The following CELF2 variants were observed in gnomAD, a reference collection of about 807,000 sequenced individuals.
CELF2 encodes CUGBP Elav-like family member 2.
In CELF2, 8 loss-of-function variants were observed where a neutral mutation model predicts 62.6. The observed-to-expected ratio is 0.13, with a 90% confidence interval of 0.07 to 0.23. The LOEUF (loss-of-function observed/expected upper bound fraction) is 0.23. CELF2 is among the 10% of genes least tolerant of loss of function. The pLI, the probability that CELF2 is intolerant of heterozygous loss-of-function variation, is 1.00. For synonymous variants in CELF2, 258 were observed against 250.0 expected (o/e 1.03, Z -0.30); for missense variants, 333 against 671.0 (o/e 0.50, Z 5.56).
In CELF2 at chr10:11,217,687, G is replaced by A. The variant is rs574069717; in HGVS notation, c.354+180G>A. On this transcript the variant is annotated intron_variant, in intron 3 of 12. Coordinates refer to ENST00000633077, the MANE Select transcript of CELF2 (RefSeq NM_001326342.2). This position sits in a 1 kb window ranked among gnomAD's most constrained non-coding sequence, Gnocchi z 5.6. ...GCTGGCCAGCCCATAAAGGAGCGCTGGCATTAACACTGACGGGAAGCATTC... is the reference window on the plus strand; with the variant it reads ...GCTGGCCAGCCCATAAAGGAGCGCTAGCATTAACACTGACGGGAAGCATTC... 2.0e-5 allele frequency among the ~76,000 whole-genome samples: 3 copies of A among 152,268 alleles called. No individual in the cohort carries two copies. In the South Asian group the frequency reaches 6.2e-4, roughly 32 times the overall value.
At chr10:11,213,877 A>G (rs1012225497) in intron 2 of CELF2, among the ~76,000 whole-genome samples, 2 of 152,258 alleles carry the variant, frequency 1.3e-5, no homozygotes, top group Non-Finnish European at 1.5e-5. Context: ...TTAGTCTAAT[A>G]GAAGTAAAGA....
At position 11,148,843 on chromosome 10, in the gene CELF2, A is replaced by AACACACACACACACACACACAC. The variant is rs58567770; in HGVS notation, c.75-16633_75-16612dup. On this transcript the variant is annotated intron_variant, in intron 1 of 12. Coordinates refer to ENST00000633077, the MANE Select transcript of CELF2 (RefSeq NM_001326342.2). The stretch of plus-strand genomic sequence containing the variant: ...TGTTATCGATTATTATCTTAAACCA[A>AACACACACACACACACACACAC]ACACACACACACACACACACACACA... Among the ~76,000 whole-genome samples the AACACACACACACACACACACAC allele has an allele frequency of 7.4e-3, 1,087 of 146,868 alleles. 14 individuals carry two copies. The highest frequency in any genetic ancestry group is 9.4e-3 in the Non-Finnish European group (622 of 66,126).
intron 2 of CELF2, among the ~76,000 whole-genome samples, chr10:10,987,852 A>G (rs1349534237): frequency 6.6e-6 from 1 of 152,204 alleles, no homozygotes. Flanking sequence ...CAACAAATGT[A>G]TGAAAACATG....
chr10:10,488,479 C>A, the CELF2 span, among the ~76,000 whole-genome samples: 2 of 152,248 alleles, frequency 1.3e-5, no homozygotes, highest in African/African-American at 4.8e-5. Context: ...TGGTACCTAG[C>A]TGTATTGAAT....
intron 1 of CELF2, among the ~76,000 whole-genome samples, chr10:11,158,096 A>G (rs1314341937): frequency 6.6e-6 from 1 of 152,148 alleles, no homozygotes. Context: ...ATCATTTTAC[A>G]AGGATTCTCT....
intron 8 of CELF2, among the ~76,000 whole-genome samples, chr10:11,277,316 G>T (rs1200485668): frequency 6.6e-6 from 1 of 152,172 alleles, no homozygotes; most frequent in Non-Finnish European, 1.5e-5. Flanking sequence ...CATGGTGAAT[G>T]GGCGATAGAG....
intron 5 of CELF2, among the ~76,000 whole-genome samples, chr10:11,259,534 G>A (rs2079842451): frequency 6.6e-6 from 1 of 151,930 alleles, no homozygotes; most frequent in African/African-American, 2.4e-5. Context: ...TTCTCTAAAA[G>A]CTGAACAAGT....
the CELF2 span, among the ~76,000 whole-genome samples, chr10:10,547,964 C>A: frequency 6.6e-6 from 1 of 152,154 alleles, no homozygotes; most frequent in Non-Finnish European, 1.5e-5. Flanking sequence ...GGATGCCATT[C>A]ATAAAAGGTG....
At chr10:10,541,258 A>G in the CELF2 span, among the ~76,000 whole-genome samples, 1 of 151,302 alleles carries the variant, frequency 6.6e-6, no homozygotes, top group African/African-American at 2.4e-5. Context: ...AAAAAAAAAA[A>G]AAGACCCACA....
the CELF2 span, among the ~76,000 whole-genome samples, chr10:10,504,116 T>A: frequency 1.3e-5 from 2 of 152,084 alleles, no homozygotes; most frequent in Non-Finnish European, 2.9e-5. Flanking sequence ...CCCAACATAA[T>A]TTTTAAAACT....
chr10:10,924,236 C>T (rs912423697), intron 2 of CELF2, among the ~76,000 whole-genome samples: 22 of 134,378 alleles, frequency 1.6e-4, no homozygotes, highest in African/African-American at 5.0e-4. Context: ...GAGCCGAGAT[C>T]GCGCCACTGC....
intron 9 of CELF2, among the ~76,000 whole-genome samples, chr10:11,298,295 G>A (rs1221216471): frequency 6.6e-6 from 1 of 152,230 alleles, no homozygotes; most frequent in African/African-American, 2.4e-5. Flanking sequence ...GCCTTGTGGT[G>A]CCATCTCGAC....
chr10:10,869,860 G>A (rs371195496), intron 1 of CELF2, among the ~76,000 whole-genome samples: 1 of 151,986 alleles, frequency 6.6e-6, no homozygotes, highest in Non-Finnish European at 1.5e-5. Context: ...ATGTTTCTTT[G>A]GTCCCAGCTA....
intron 1 of CELF2, among the ~76,000 whole-genome samples, chr10:10,867,903 C>A (rs937127673): frequency 1.2e-4 from 19 of 152,294 alleles, no homozygotes; most frequent in South Asian, 4.1e-4. Flanking sequence ...TCTGATATTC[C>A]AAATATTTGT....
intron 1 of CELF2, among the ~76,000 whole-genome samples, chr10:11,019,973 T>A (rs1425711040): frequency 6.6e-6 from 1 of 152,244 alleles, no homozygotes; most frequent in African/African-American, 2.4e-5. Flanking sequence ...ATAATATAGC[T>A]AAGCTGATGA....
intron 1 of CELF2, among the ~76,000 whole-genome samples, chr10:10,868,382 T>C (rs2060517145): frequency 6.6e-6 from 1 of 152,174 alleles, no homozygotes; most frequent in African/African-American, 2.4e-5. Context: ...CTCCATGTGA[T>C]TTGGGTTTAT....
At chr10:10,905,537 A>G (rs1216204076) in intron 1 of CELF2, among the ~76,000 whole-genome samples, 1 of 150,342 alleles carries the variant, frequency 6.7e-6, no homozygotes, top group Non-Finnish European at 1.5e-5. Context: ...TGAGGCCAGG[A>G]GTTCGAGACC....
chr10:10,594,172 C>T, the CELF2 span, among the ~76,000 whole-genome samples: 1 of 152,110 alleles, frequency 6.6e-6, no homozygotes. Flanking sequence ...ATTGGCAAAA[C>T]AGGAAAACTG....
rs1021516191 is a variant in CELF2 at position 10,810,121 on chromosome 10, G to A, written c.53+11304G>A. Among the ~76,000 whole-genome samples, 6 of 152,196 alleles carry A rather than the reference G, an allele frequency of 3.9e-5. No individual in the cohort carries two copies. In the South Asian group the frequency reaches 6.2e-4, roughly 16 times the overall value. On this transcript the variant is annotated intron_variant, in intron 1 of 13. Coordinates refer to the CELF2 transcript ENST00000636488. Reference sequence around the variant, plus strand: ...TTTGTCAATGCCATCTGGAGGGAAGGTACCTTACATACATGCATAAACACA... The same window carrying A: ...TTTGTCAATGCCATCTGGAGGGAAGATACCTTACATACATGCATAAACACA...
Sources: allele counts gnomAD v4.1 joint callset (sites outside exome capture counted in the v4.1 genomes callset), GRCh38; gene constraint gnomAD v4.1.1; non-coding constraint Gnocchi (gnomAD v3.1); transcripts MANE v1.5; gene names NCBI Gene and HGNC (gene_info 2026-07-23, HGNC 2026-07-21).